SYT16: variants seen among roughly 807,000 people sequenced by gnomAD.
SYT16 encodes synaptotagmin 16.
In SYT16, 42 loss-of-function variants were observed where a neutral mutation model predicts 61.4. The observed-to-expected ratio is 0.68, with a 90% confidence interval of 0.53 to 0.89. The LOEUF is 0.89. SYT16 is among the 40% of genes least tolerant of loss of function. The pLI is 0.00. For synonymous variants in SYT16, 314 were observed against 302.3 expected, an observed-to-expected ratio of 1.04 and a Z score of -0.40; for missense variants, 804 against 807.3, an observed-to-expected ratio of 1.00 and a Z score of 0.05.
In SYT16 at chr14:62,109,703, CTG is replaced by C. The variant is rs1158903962; in HGVS notation, c.*8998_*8999del. The stretch of plus-strand genomic sequence containing the variant: ...AGACGTGATCCCAAATTTAGTGACT[CTG>C]TAGTGTCTTTTGTTGAGCAATGAGT... On this transcript the variant is annotated 3_prime_UTR_variant, in exon 8 of 8. Coordinates refer to ENST00000683842, the MANE Select transcript of SYT16 (RefSeq NM_001367656.1). 2.6e-5 allele frequency: 4 copies of C among 152,076 alleles called. No homozygotes were observed. The highest frequency in any genetic ancestry group is 7.2e-5 in the African/African-American group (3 of 41,436). The allele number at this position is 152,076 out of a possible 1,614,324, so 9.4% of individuals were successfully genotyped here.
chr14:62,108,638 T>C lies in SYT16; in HGVS notation c.*7931T>C, dbSNP rs2057552836. On this transcript the variant is annotated 3_prime_UTR_variant, in exon 8 of 8. Coordinates refer to ENST00000683842, the MANE Select transcript of SYT16 (RefSeq NM_001367656.1). ...TACCAAATTATAATACAGTCTTTTA[T>C]TATGCCACCATATGAATGCAGCTGC... 6.6e-6 allele frequency: 1 copy of C among 152,202 alleles called. No homozygotes were observed. The highest frequency in any genetic ancestry group is 1.5e-5 in the Non-Finnish European group (1 of 68,020). The allele number at this position is 152,202 out of a possible 1,614,324, so 9.4% of individuals were successfully genotyped here.
In SYT16 at chr14:62,050,967, G is replaced by A. The variant is rs140805870; in HGVS notation, c.524-18636G>A. On this transcript the variant is annotated intron_variant, in intron 3 of 7. Coordinates refer to ENST00000683842, the MANE Select transcript of SYT16 (RefSeq NM_001367656.1). ...TGTCCGTTCTCAGATCTCAAGCTGC[G>A]TGCTGGGAGAACCACTACTCTCTTC... 8.5e-5 allele frequency among the ~76,000 whole-genome samples: 13 copies of A among 152,304 alleles called. 1 individual carries two copies. In the East Asian group the frequency reaches 9.6e-4, roughly 11 times the overall value.
intron 1 of SYT16, among the ~76,000 whole-genome samples, chr14:61,880,875 A>AATG (rs2047675008): frequency 6.6e-6 from 1 of 152,058 alleles, no homozygotes; most frequent in Non-Finnish European, 1.5e-5. Context: ...CACTTGCAAA[A>AATG]ATGATGGTTT....
intron 3 of SYT16, among the ~76,000 whole-genome samples, chr14:62,046,650 C>A: frequency 6.6e-6 from 1 of 152,172 alleles, no homozygotes; most frequent in Non-Finnish European, 1.5e-5. Context: ...AGGAAGGGAT[C>A]CAGTTTCAGC....
At chr14:61,980,652 A>G (rs2052028449) in intron 2 of SYT16, among the ~76,000 whole-genome samples, 1 of 152,200 alleles carries the variant, frequency 6.6e-6, no homozygotes, top group African/African-American at 2.4e-5. Flanking sequence ...AGTGCTGGAA[A>G]TAAAATGGTG....
intron 7 of SYT16, among the ~76,000 whole-genome samples, chr14:62,093,358 C>T (rs2057160046): frequency 6.6e-6 from 1 of 151,848 alleles, no homozygotes; most frequent in African/African-American, 2.4e-5. Context: ...ACAAACCAAA[C>T]AGTAAATATA....
At chr14:61,979,421 A>G (rs748189078) in intron 2 of SYT16, among the ~76,000 whole-genome samples, 29 of 152,166 alleles carry the variant, frequency 1.9e-4, no homozygotes, top group Non-Finnish European at 3.8e-4. Context: ...CTTCTTTAGC[A>G]ATGAATTTTC....
At chr14:61,832,917 A>C (rs2045987175) in intron 1 of SYT16, among the ~76,000 whole-genome samples, 1 of 152,082 alleles carries the variant, frequency 6.6e-6, no homozygotes, top group Non-Finnish European at 1.5e-5. Flanking sequence ...TTAAAACTTG[A>C]CTATTTTGTA....
chr14:61,820,483 T>G (rs1008442492), intron 1 of SYT16, among the ~76,000 whole-genome samples: 1 of 135,062 alleles, frequency 7.4e-6, no homozygotes, highest in African/African-American at 2.8e-5. Context: ...TTTTTTTTTT[T>G]TTTTTTTTTT....
At chr14:61,828,936 A>C (rs1212748463) in intron 1 of SYT16, among the ~76,000 whole-genome samples, 1 of 152,188 alleles carries the variant, frequency 6.6e-6, no homozygotes, top group Non-Finnish European at 1.5e-5. Context: ...ACCACCACCA[A>C]CTGGACCAGG....
chr14:62,014,103 A>G (rs766534807), intron 3 of SYT16, among the ~76,000 whole-genome samples: 5 of 152,156 alleles, frequency 3.3e-5, no homozygotes, highest in Non-Finnish European at 7.4e-5. Flanking sequence ...CGTTCCTTAA[A>G]TATTTGGTTC....
At chr14:61,898,818 A>G (rs1019626655) in intron 1 of SYT16, among the ~76,000 whole-genome samples, 2 of 152,200 alleles carry the variant, frequency 1.3e-5, no homozygotes, top group African/African-American at 4.8e-5. Context: ...CAGGGACTGA[A>G]TGAGATAAGT....
intron 3 of SYT16, among the ~76,000 whole-genome samples, chr14:62,064,588 C>T (rs759655780): frequency 2.6e-5 from 4 of 151,984 alleles, no homozygotes; most frequent in Non-Finnish European, 5.9e-5. Context: ...TCCATTTTGT[C>T]CAGAATTTAA....
intron 1 of SYT16, among the ~76,000 whole-genome samples, chr14:61,847,532 T>A (rs1407564316): frequency 1.3e-5 from 2 of 152,182 alleles, no homozygotes; most frequent in African/African-American, 4.8e-5. Context: ...TACCTTGAGG[T>A]AGTCCTCTTT....
At chr14:61,865,415 A>T (rs1180420016) in intron 1 of SYT16, among the ~76,000 whole-genome samples, 1 of 152,204 alleles carries the variant, frequency 6.6e-6, no homozygotes, top group African/African-American at 2.4e-5. Context: ...CTGGGAAATG[A>T]ATCACAGAAA....
At chr14:62,073,650 G>T (rs1486444791) in intron 4 of SYT16, among the ~76,000 whole-genome samples, 1 of 152,182 alleles carries the variant, frequency 6.6e-6, no homozygotes, top group Admixed American at 6.5e-5. Flanking sequence ...CATATTAGGA[G>T]TCTGAAGTTC....
chr14:61,997,399 C>T (rs577887763), intron 3 of SYT16, among the ~76,000 whole-genome samples: 60 of 152,056 alleles, frequency 3.9e-4, no homozygotes, highest in Non-Finnish European at 6.8e-4. Flanking sequence ...TTCAATGTCC[C>T]TCTTGCTGGA....
At chr14:61,865,220 G>A in intron 1 of SYT16, 1 of 1,070,942 alleles carries the variant, frequency 9.3e-7, no homozygotes, top group Non-Finnish European at 1.4e-6. Context: ...GGATTCTGGG[G>A]CACCCCATCT....
At chr14:61,836,363 T>G (rs1488485985) in intron 1 of SYT16, among the ~76,000 whole-genome samples, 1 of 152,234 alleles carries the variant, frequency 6.6e-6, no homozygotes, top group African/African-American at 2.4e-5. Flanking sequence ...TCCATTTGCC[T>G]TAATTCACAC....
Sources: gnomAD v4.1 joint callset for allele counts (sites outside exome capture counted in the v4.1 genomes callset) on GRCh38, gnomAD v4.1.1 for gene constraint, MANE v1.5 for transcripts, NCBI Gene and HGNC (gene_info 2026-07-23, HGNC 2026-07-21) for gene names.